The following NF1 variants were observed in gnomAD, a reference collection of about 807,000 sequenced individuals.
NF1 encodes neurofibromin 1.
NF1 carries 122 observed loss-of-function variants against 325.7 expected under a neutral mutation model. The ratio of observed to expected loss-of-function variants is 0.37; its 90% CI spans 0.32 to 0.44. The LOEUF is 0.44. Ranked by LOEUF, NF1 falls within the 20% of genes least tolerant of loss-of-function variation. The pLI, the probability that NF1 is intolerant of heterozygous loss-of-function variation, is 1.00. For synonymous variants in NF1, 1,091 were observed against 1,186.0 expected (o/e 0.92, Z 1.65); for missense variants, 2,140 against 3,415.4 (o/e 0.63, Z 9.31).
At chr17:31,225,672 T>C (rs1037743517) in intron 17 of NF1, among the ~76,000 whole-genome samples, 7 of 152,308 alleles carry the variant, frequency 4.6e-5, no homozygotes, top group Middle Eastern at 3.4e-3. Flanking sequence ...TAAAGATAAG[T>C]GTTTCTGTGA....
chr17:31,105,537 G>A (rs1294730722), intron 1 of NF1, among the ~76,000 whole-genome samples: 1 of 150,526 alleles, frequency 6.6e-6, no homozygotes. Flanking sequence ...TTTTTGAGAT[G>A]GAGTTTTGCT....
intron 12 of NF1, among the ~76,000 whole-genome samples, chr17:31,213,306 T>G (rs2066761248): frequency 6.6e-6 from 1 of 152,252 alleles, no homozygotes; most frequent in Non-Finnish European, 1.5e-5. Context: ...TCTTCTGTAG[T>G]GACATTCTTG....
chr17:31,209,003 C>A (rs1375735129), intron 12 of NF1, among the ~76,000 whole-genome samples: 1 of 152,172 alleles, frequency 6.6e-6, no homozygotes, highest in Non-Finnish European at 1.5e-5. Flanking sequence ...GAGTTTCCTA[C>A]TGTTGGCACT....
chr17:31,181,368 G>A, intron 5 of NF1, 54 bp from the exon 6 acceptor site: 1 of 1,477,340 alleles, frequency 6.8e-7, no homozygotes. Flanking sequence ...GCTCTGAGTT[G>A]TATTTGTGTT....
At chr17:31,179,561 A>G (rs550817317) in intron 5 of NF1, among the ~76,000 whole-genome samples, 106 of 152,246 alleles carry the variant, frequency 7.0e-4, no homozygotes, top group South Asian at 3.5e-3. Context: ...CAAAAAATCA[A>G]TGAGTCTCCT....
intron 14 of NF1, 74 bp from the exon 15 acceptor site, chr17:31,221,776 T>A (rs2144002495): frequency 1.1e-6 from 1 of 950,082 alleles, no homozygotes; most frequent in Admixed American, 1.8e-5. Context: ...ATAAAATAAG[T>A]ACTCCAGTGT....
intron 33 of NF1, among the ~76,000 whole-genome samples, 160 bp from the exon 34 acceptor site, chr17:31,260,209 G>C (rs1277399681): frequency 2.0e-5 from 3 of 152,144 alleles, no homozygotes; most frequent in South Asian, 2.1e-4. Flanking sequence ...CTTTCTCCTT[G>C]TCCTTTTTGC....
rs8079422 is a variant in NF1 at position 31,338,544 on chromosome 17, A to G, written c.6820-160A>G. Among the ~76,000 whole-genome samples, 1,443 of 152,340 alleles carry G rather than the reference A, an allele frequency of 9.5e-3. 24 individuals are homozygous for G. Among genetic ancestry groups the G allele is most frequent in the African/African-American group, 0.033 (1,360 of 41,584 alleles). On this transcript the variant is annotated intron_variant, in intron 45 of 57. Transcript: ENST00000358273. Reference sequence around the variant, plus strand: ...TAGAAATGTCAAAAAATAAGAAAACAAATGTACATTAAGCTAGCTACCAAG... The same window carrying G: ...TAGAAATGTCAAAAAATAAGAAAACGAATGTACATTAAGCTAGCTACCAAG...
chr17:31,247,738 A>G (rs1334004600), intron 29 of NF1, among the ~76,000 whole-genome samples: 2 of 152,220 alleles, frequency 1.3e-5, no homozygotes, highest in Non-Finnish European at 2.9e-5. Flanking sequence ...AAGGTGAAAA[A>G]TGTTTAATGT....
At chr17:31,208,789 G>A (rs1026884314) in intron 12 of NF1, among the ~76,000 whole-genome samples, 10 of 152,060 alleles carry the variant, frequency 6.6e-5, no homozygotes, top group Non-Finnish European at 1.5e-4. Flanking sequence ...TACTCAGGAG[G>A]CTGAGGCAGA....
At position 31,340,639 on chromosome 17, in the gene NF1, T is replaced by A. The variant is rs2151562011; in HGVS notation, c.7056T>A (p.Asn2352Lys). ...CTTTAGATAGTCTCCGTATATTCAA[T>A]GACAAGGTAAGCAAACTTTGCCTTG... ...LHTLDSLRIFNDKSPEEVFMA... is the reference protein window; with the variant it reads ...LHTLDSLRIFKDKSPEEVFMA... Residue 2352 changes from asparagine to lysine, a missense_variant, in exon 47 of 58, where the codon AAT (asparagine) becomes AAA (lysine). By Grantham distance (94) the Asn-to-Lys change is moderately conservative. This residue lies in a region of NF1 where 522 missense variants were observed against 749.0 expected (regional missense o/e 0.70). Coordinates refer to ENST00000358273, the MANE Select transcript of NF1 (RefSeq NM_001042492.3). 6.2e-7 allele frequency: 1 copy of A among 1,614,136 alleles called. No individual in the cohort carries two copies. The highest frequency in any genetic ancestry group is 8.5e-7 in the Non-Finnish European group (1 of 1,179,984).
rs369548314 is a variant in NF1 at position 31,375,012 on chromosome 17, TTATA to T, written c.*871_*874del. On this transcript the variant is annotated 3_prime_UTR_variant, in exon 58 of 58. Transcript: ENST00000358273. ...ACCAAAACTATACTAAGTATAGTAA[TTATA>T]TATATATATATATTTTTTCCCCTCC... 5.5e-4 allele frequency: 105 copies of T among 192,392 alleles called. No homozygotes were observed. Among genetic ancestry groups the T allele is most frequent in the East Asian group, 1.8e-3 (22 of 11,972 alleles). 11.9% of individuals were successfully genotyped at this position (192,392 alleles called of 1,614,324 possible).
At chr17:31,272,340 T>C (rs931619936) in intron 36 of NF1, 3 of 152,256 alleles carry the variant, frequency 2.0e-5, no homozygotes, top group Non-Finnish European at 4.4e-5. Context: ...ACAGTGTTCA[T>C]ATTCATAGTT....
At chr17:31,098,439 A>G (rs1598178515) in intron 1 of NF1, among the ~76,000 whole-genome samples, 2 of 152,096 alleles carry the variant, frequency 1.3e-5, no homozygotes, top group East Asian at 3.9e-4. Context: ...ACCTTGGCTT[A>G]CTGCAACCTC....
chr17:31,342,271 A>G (rs2069844036), intron 47 of NF1, among the ~76,000 whole-genome samples: 1 of 152,092 alleles, frequency 6.6e-6, no homozygotes, highest in Non-Finnish European at 1.5e-5. Context: ...GTGGTCAGCG[A>G]TATCTAGTTG....
At chr17:31,248,595 T>G (rs998081951) in intron 29 of NF1, among the ~76,000 whole-genome samples, 1 of 152,184 alleles carries the variant, frequency 6.6e-6, no homozygotes, top group East Asian at 1.9e-4. Context: ...AGTGCAGTGG[T>G]GCAGTCTTGG....
At chr17:31,343,280 C>T (rs1293903804) in intron 48 of NF1, 145 bp downstream of exon 48, 2 of 792,730 alleles carry the variant, frequency 2.5e-6, no homozygotes. Context: ...CGTGGTGGCT[C>T]ACGTCTGTAA....
At chr17:31,194,689 C>A (rs1015666740) in intron 8 of NF1, among the ~76,000 whole-genome samples, 1 of 151,766 alleles carries the variant, frequency 6.6e-6, no homozygotes, top group African/African-American at 2.4e-5. Context: ...GATAAAGGGC[C>A]CTGAACTCTA....
chr17:31,350,537 G>T lies in NF1; in HGVS notation c.7457+219G>T, dbSNP rs17879558. ...TCTGATTGTGCTAATGTTAACATTA[G>T]TTTGCCTCTGAAGCACAGACCAAAT... On this transcript the variant is annotated intron_variant, in intron 50 of 57. Coordinates refer to ENST00000358273, the MANE Select transcript of NF1 (RefSeq NM_001042492.3). Among the ~76,000 whole-genome samples the T allele has an allele frequency of 5.5e-4, 84 of 152,262 alleles. 1 individual carries two copies. Among genetic ancestry groups the T allele is most frequent in the African/African-American group, 1.9e-3 (79 of 41,564 alleles).
Sources: allele counts gnomAD v4.1 joint callset (sites outside exome capture counted in the v4.1 genomes callset), GRCh38; gene constraint gnomAD v4.1.1; regional missense constraint gnomAD v4.1.1; transcripts MANE v1.5; gene names NCBI Gene and HGNC (gene_info 2026-07-23, HGNC 2026-07-21).